Variants in NTAQ1 observed in about 807,000 individuals in gnomAD.
NTAQ1 encodes the protein protein N-terminal glutamine amidohydrolase.
A neutral mutation model predicts 28.2 loss-of-function variants in NTAQ1; 21 were observed. That is an observed-to-expected ratio of 0.74 (90% CI 0.53 to 1.07). The LOEUF is 1.07. NTAQ1 is among the 50% of genes least tolerant of loss of function. NTAQ1 has a pLI of 0.00. For synonymous variants in NTAQ1, 105 were observed against 90.0 expected (o/e 1.17, Z -0.94); for missense variants, 264 against 256.6 (o/e 1.03, Z -0.20).
At chr8:123,449,877 CTCTCTCTCT>C (rs1815420948), downstream of NTAQ1, among the ~76,000 whole-genome samples, 1 of 140,292 alleles carries the variant, frequency 7.1e-6, no homozygotes, top group Non-Finnish European at 1.5e-5. Flanking sequence ...CTCTCTCTCT[CTCTCTCTCT>C]CTCTCTATCT....
downstream of NTAQ1, among the ~76,000 whole-genome samples, chr8:123,449,238 C>T (rs1049096961): frequency 2.0e-5 from 3 of 152,186 alleles, no homozygotes; most frequent in African/African-American, 7.2e-5. Flanking sequence ...AGTAGTGAAG[C>T]AGAAGCATGA....
chr8:123,471,833 C>G (rs1238148261), downstream of NTAQ1, among the ~76,000 whole-genome samples: 1 of 152,198 alleles, frequency 6.6e-6, no homozygotes, highest in Non-Finnish European at 1.5e-5. Context: ...CATCCAAAAA[C>G]ACTCTCACAC....
intron 3 of NTAQ1, among the ~76,000 whole-genome samples, chr8:123,433,983 C>T (rs1814549330): frequency 6.6e-6 from 1 of 151,232 alleles, no homozygotes; most frequent in South Asian, 2.1e-4. Flanking sequence ...TATGTGTGGC[C>T]CAAGACAATT....
intron 3 of NTAQ1, among the ~76,000 whole-genome samples, chr8:123,430,725 G>A (rs190194761): frequency 1.3e-3 from 193 of 152,266 alleles, no homozygotes; most frequent in Non-Finnish European, 2.1e-3. Context: ...AGGCTGCAGC[G>A]AGCTGAGATT....
chr8:123,447,207 A>G (rs1340047400), downstream of NTAQ1, among the ~76,000 whole-genome samples: 3 of 152,198 alleles, frequency 2.0e-5, no homozygotes, highest in African/African-American at 7.2e-5. Context: ...ACTATTAAAA[A>G]AAATTATACT....
intron 6 of NTAQ1, among the ~76,000 whole-genome samples, chr8:123,457,346 C>T (rs1815678910): frequency 6.6e-6 from 1 of 151,980 alleles, no homozygotes; most frequent in Admixed American, 6.6e-5. Context: ...GGATTACAGG[C>T]ATAAGCCACT....
intron 3 of NTAQ1, among the ~76,000 whole-genome samples, chr8:123,433,613 C>T (rs1449501197): frequency 6.6e-6 from 1 of 151,924 alleles, no homozygotes; most frequent in Non-Finnish European, 1.5e-5. Flanking sequence ...ATGCCCGGCT[C>T]GTTGTTGTAT....
At chr8:123,437,724 A>G (rs1231088091) in intron 5 of NTAQ1, among the ~76,000 whole-genome samples, 5 of 151,348 alleles carry the variant, frequency 3.3e-5, no homozygotes, top group African/African-American at 4.9e-5. Flanking sequence ...AAAACAAAAA[A>G]CAAAAAACAA....
intron 1 of NTAQ1, among the ~76,000 whole-genome samples, chr8:123,426,395 C>T (rs13258475): frequency 0.36 from 54,972 of 151,934 alleles, 10,029 homozygotes; most frequent in East Asian, 0.56. Context: ...GAAGGCCAGG[C>T]ACAGTGGCTC....
downstream of NTAQ1, among the ~76,000 whole-genome samples, chr8:123,446,723 CAT>C (rs1265270199): frequency 2.0e-5 from 3 of 152,202 alleles, no homozygotes; most frequent in Non-Finnish European, 4.4e-5. Context: ...CACCAGACAA[CAT>C]AATCTGCTCA....
At chr8:123,463,682 G>T (rs1431015580) in intron 6 of NTAQ1, among the ~76,000 whole-genome samples, 2 of 152,188 alleles carry the variant, frequency 1.3e-5, no homozygotes, top group Non-Finnish European at 2.9e-5. Flanking sequence ...CATTTGTATG[G>T]AGGCAGTTTA....
At chr8:123,464,835 C>T (rs956838152) in intron 6 of NTAQ1, among the ~76,000 whole-genome samples, 2 of 152,056 alleles carry the variant, frequency 1.3e-5, no homozygotes, top group Admixed American at 6.5e-5. Context: ...GTCAGGAGTT[C>T]GAGACCAGCC....
chr8:123,441,996 C>T lies in NTAQ1; in HGVS notation c.*581C>T, dbSNP rs1485807822. On this transcript the variant is annotated 3_prime_UTR_variant, in exon 6 of 6. Coordinates refer to ENST00000287387, the MANE Select transcript of NTAQ1 (RefSeq NM_018024.3). ...CGTTAATTGGCTTATTTATTTATGG[C>T]TTTAAATAAAATCGATTTAACGTTA... 1 of 152,576 alleles carries T rather than the reference C, an allele frequency of 6.6e-6. No individual in the cohort carries two copies. The highest frequency in any genetic ancestry group is 2.4e-5 in the African/African-American group (1 of 41,432). The allele number at this position is 152,576 out of a possible 1,614,324, so 9.5% of individuals were successfully genotyped here.
chr8:123,461,379 T>G (rs572690301), intron 6 of NTAQ1, among the ~76,000 whole-genome samples: 19 of 152,132 alleles, frequency 1.2e-4, no homozygotes, highest in Non-Finnish European at 4.4e-5. Context: ...ACCTACCAAA[T>G]AAACAACTTC....
At chr8:123,474,597 G>A (rs193046442), downstream of NTAQ1, among the ~76,000 whole-genome samples, 424 of 152,280 alleles carry the variant, frequency 2.8e-3, 3 homozygotes, top group African/African-American at 9.7e-3. Flanking sequence ...ATATCTTGGG[G>A]AAATACTTTA....
Position 123,423,475 on chromosome 8 carries a change from T to C in NTAQ1, c.84-4449T>C, listed in dbSNP as rs146424387. On this transcript the variant is annotated intron_variant, in intron 1 of 5. Transcript: ENST00000287387. ...TCTTTTTCTTTCCGGAGGGTCTTGC[T>C]ACATTGCCTAGGCTGGTTTCAAACT... 1.2e-4 allele frequency among the ~76,000 whole-genome samples: 18 copies of C among 151,616 alleles called. No individual in the cohort carries two copies. In the East Asian group the frequency reaches 2.3e-3, roughly 20 times the overall value.
At chr8:123,419,741 T>A (rs1368383799) in intron 1 of NTAQ1, among the ~76,000 whole-genome samples, 1 of 43,546 alleles carries the variant, frequency 2.3e-5, no homozygotes, top group Non-Finnish European at 4.7e-5. Flanking sequence ...CAGCCCTCCC[T>A]CCCTCCCTCC....
At chr8:123,447,426 TAG>T (rs1314990834) in intron 6 of NTAQ1, among the ~76,000 whole-genome samples, 1 of 152,194 alleles carries the variant, frequency 6.6e-6, no homozygotes, top group Non-Finnish European at 1.5e-5. Context: ...TATAACTGTC[TAG>T]AGAAACTAAC....
rs1815098772 is a variant in NTAQ1 at position 123,442,122 on chromosome 8, A to G, written c.*707A>G. 1.3e-5 allele frequency: 2 copies of G among 152,310 alleles called. No homozygotes were observed. The highest frequency in any genetic ancestry group is 2.1e-4 in the South Asian group (1 of 4,834). 9.4% of individuals were successfully genotyped at this position (152,310 alleles called of 1,614,324 possible). On this transcript the variant is annotated 3_prime_UTR_variant, in exon 6 of 6. Transcript: ENST00000287387. Reference sequence around the variant, plus strand: ...CAGGGCTTTAAAAAATATTTATTACATGTGCCTTCTGGAAGACATCTTGGT... The same window carrying G: ...CAGGGCTTTAAAAAATATTTATTACGTGTGCCTTCTGGAAGACATCTTGGT...
Sources: allele counts gnomAD v4.1 joint callset (sites outside exome capture counted in the v4.1 genomes callset), GRCh38; gene constraint gnomAD v4.1.1; transcripts MANE v1.5; gene names NCBI Gene and HGNC (gene_info 2026-07-23, HGNC 2026-07-21).